The following CCSER1 variants were observed in gnomAD, a reference collection of about 807,000 sequenced individuals.
CCSER1 encodes coiled-coil serine rich protein 1.
CCSER1 carries 41 observed loss-of-function variants against 82.0 expected under a neutral mutation model. That is an observed-to-expected ratio of 0.50 (90% CI 0.39 to 0.65). CCSER1 has a LOEUF of 0.65. Ranked by LOEUF, CCSER1 falls within the 30% of genes least tolerant of loss-of-function variation. The pLI is 0.00. For missense variants in CCSER1, 1,119 were observed against 1,064.2 expected (o/e 1.05, Z -0.72); for synonymous variants, 414 against 383.9 (o/e 1.08, Z -0.92).
At chr4:90,373,463 A>G (rs796752643) in intron 3 of CCSER1, among the ~76,000 whole-genome samples, 1 of 152,202 alleles carries the variant, frequency 6.6e-6, no homozygotes, top group South Asian at 2.1e-4. Context: ...TAAAGTTCAT[A>G]GTGAAATAAT....
At chr4:90,524,213 A>T (rs1481912062) in intron 5 of CCSER1, among the ~76,000 whole-genome samples, 1 of 152,144 alleles carries the variant, frequency 6.6e-6, no homozygotes, top group African/African-American at 2.4e-5. Context: ...ATACCTTAGG[A>T]GCTTATTAAA....
intron 3 of CCSER1, among the ~76,000 whole-genome samples, chr4:90,323,906 G>A (rs939479038): frequency 4.9e-4 from 75 of 152,082 alleles, no homozygotes; most frequent in Non-Finnish European, 9.3e-4. Context: ...ATCTATGAGT[G>A]AGAATATGCG....
intron 1 of CCSER1, among the ~76,000 whole-genome samples, chr4:90,231,623 G>A (rs1349956286): frequency 1.4e-5 from 2 of 148,032 alleles, no homozygotes; most frequent in Non-Finnish European, 3.0e-5. Context: ...TCTGGCCAGG[G>A]CAATCAGGCA....
intron 5 of CCSER1, among the ~76,000 whole-genome samples, chr4:90,504,262 C>T (rs1443841825): frequency 6.6e-6 from 1 of 152,038 alleles, no homozygotes; most frequent in Non-Finnish European, 1.5e-5. Flanking sequence ...AATGCTTGGA[C>T]TTAACTTATG....
At chr4:90,818,006 G>T (rs1461922795) in intron 8 of CCSER1, among the ~76,000 whole-genome samples, 1 of 152,012 alleles carries the variant, frequency 6.6e-6, no homozygotes, top group African/African-American at 2.4e-5. Context: ...TAATAATTTA[G>T]AACTGATTCA....
At chr4:90,843,374 T>G (rs1444062352) in intron 8 of CCSER1, among the ~76,000 whole-genome samples, 1 of 152,186 alleles carries the variant, frequency 6.6e-6, no homozygotes, top group Non-Finnish European at 1.5e-5. Flanking sequence ...GAGAAACTGG[T>G]AATAAACTAA....
At chr4:90,506,280 A>G (rs1298844465) in intron 5 of CCSER1, among the ~76,000 whole-genome samples, 2 of 152,218 alleles carry the variant, frequency 1.3e-5, no homozygotes, top group African/African-American at 4.8e-5. Flanking sequence ...TCTTATAATC[A>G]GAAAAAAATG....
intron 3 of CCSER1, among the ~76,000 whole-genome samples, chr4:90,395,963 C>A (rs1295143994): frequency 6.6e-6 from 1 of 151,646 alleles, no homozygotes; most frequent in Non-Finnish European, 1.5e-5. Context: ...TGCCTGTAAT[C>A]CCAGCTACTC....
At chr4:90,377,326 G>A (rs1259943680) in intron 3 of CCSER1, among the ~76,000 whole-genome samples, 1 of 152,034 alleles carries the variant, frequency 6.6e-6, no homozygotes, top group Non-Finnish European at 1.5e-5. Context: ...TTTATGACTA[G>A]GTAATAAAAT....
intron 9 of CCSER1, among the ~76,000 whole-genome samples, chr4:91,075,013 A>G (rs1361180283): frequency 6.6e-6 from 1 of 152,180 alleles, no homozygotes; most frequent in Non-Finnish European, 1.5e-5. Flanking sequence ...AGAAATCCTT[A>G]TGACATGATA....
At chr4:90,848,624 T>C (rs1763484442) in intron 8 of CCSER1, among the ~76,000 whole-genome samples, 1 of 152,200 alleles carries the variant, frequency 6.6e-6, no homozygotes, top group Non-Finnish European at 1.5e-5. Flanking sequence ...GCGGAAGACC[T>C]AATAACAATC....
At chr4:91,179,690 G>C (rs566458143) in intron 10 of CCSER1, among the ~76,000 whole-genome samples, 1 of 152,244 alleles carries the variant, frequency 6.6e-6, no homozygotes, top group Non-Finnish European at 1.5e-5. Flanking sequence ...TTTTATTCTA[G>C]TTAGCCATTC....
intron 6 of CCSER1, among the ~76,000 whole-genome samples, chr4:90,685,247 C>A (rs1335093094): frequency 6.6e-6 from 1 of 151,974 alleles, no homozygotes; most frequent in Non-Finnish European, 1.5e-5. Context: ...CAGGCTAGAA[C>A]AAGATGGCAG....
chr4:90,136,695 G>T (rs1245176861), intron 1 of CCSER1, among the ~76,000 whole-genome samples: 1 of 152,134 alleles, frequency 6.6e-6, no homozygotes, highest in Non-Finnish European at 1.5e-5. Context: ...GTTTTTGTTT[G>T]TCTGTTTAGT....
chr4:90,755,388 C>T (rs1158521898), intron 7 of CCSER1, among the ~76,000 whole-genome samples: 1 of 152,156 alleles, frequency 6.6e-6, no homozygotes, highest in Non-Finnish European at 1.5e-5. Context: ...TCTCATCTCT[C>T]TGTACCTGCC....
intron 9 of CCSER1, 89 bp downstream of exon 9, chr4:90,923,536 C>A (rs1262469782): frequency 1.2e-6 from 1 of 865,828 alleles, no homozygotes; most frequent in Non-Finnish European, 1.9e-6. Context: ...TGTGTCCATG[C>A]ATTGATTTAA....
intron 5 of CCSER1, among the ~76,000 whole-genome samples, chr4:90,502,054 A>C (rs1173614149): frequency 2.0e-5 from 3 of 152,234 alleles, no homozygotes; most frequent in Non-Finnish European, 4.4e-5. Flanking sequence ...AAAATTATAG[A>C]GCAAAATATG....
At chr4:91,215,742 T>G (rs2149091416) in intron 10 of CCSER1, among the ~76,000 whole-genome samples, 1 of 152,320 alleles carries the variant, frequency 6.6e-6, no homozygotes, top group South Asian at 2.1e-4. Context: ...CCAGGAACAA[T>G]ACTTTGCATC....
chr4:90,418,180 A>G (rs945404360), intron 4 of CCSER1, among the ~76,000 whole-genome samples: 1 of 152,068 alleles, frequency 6.6e-6, no homozygotes, highest in Admixed American at 6.6e-5. Context: ...TTTGATGGAG[A>G]AACAATAAGT....
Sources: gnomAD v4.1 joint callset for allele counts (sites outside exome capture counted in the v4.1 genomes callset) on GRCh38, gnomAD v4.1.1 for gene constraint, MANE v1.5 for transcripts, NCBI Gene and HGNC (gene_info 2026-07-23, HGNC 2026-07-21) for gene names.